The following MAP2K4 variants were observed in gnomAD, a reference collection of about 807,000 sequenced individuals.
The protein encoded by MAP2K4 is mitogen-activated protein kinase kinase 4, also known as dual specificity mitogen-activated protein kinase kinase 4.
A neutral mutation model predicts 48.5 loss-of-function variants in MAP2K4; 4 were observed. The ratio of observed to expected loss-of-function variants is 0.08; its 90% CI spans 0.04 to 0.19. The LOEUF is 0.19. MAP2K4 is among the 10% of genes least tolerant of loss of function. The pLI, the probability that MAP2K4 is intolerant of heterozygous loss-of-function variation, is 1.00. For synonymous variants in MAP2K4, 166 were observed against 173.1 expected (o/e 0.96, Z 0.32); for missense variants, 258 against 493.3 (o/e 0.52, Z 4.52).
At chr17:12,118,124 A>G (rs1972560974) in intron 7 of MAP2K4, among the ~76,000 whole-genome samples, 1 of 152,232 alleles carries the variant, frequency 6.6e-6, no homozygotes, top group Non-Finnish European at 1.5e-5. Context: ...TTATGGTGAT[A>G]AAGCATCTGC....
chr17:12,091,542 G>GA (rs1352545093), intron 3 of MAP2K4, among the ~76,000 whole-genome samples: 1 of 152,084 alleles, frequency 6.6e-6, no homozygotes, highest in East Asian at 1.9e-4. Context: ...GACAGTTTTA[G>GA]AAAAAATACG....
intron 1 of MAP2K4, chr17:12,021,305 A>C: frequency 1.0e-5 from 2 of 192,472 alleles, no homozygotes; most frequent in Non-Finnish European, 2.1e-5. Context: ...GGCCGTCCCC[A>C]TCGCCCCCGC....
At chr17:12,086,861 G>C (rs1365093552) in intron 3 of MAP2K4, among the ~76,000 whole-genome samples, 2 of 110,272 alleles carry the variant, frequency 1.8e-5, no homozygotes, top group Non-Finnish European at 4.2e-5. Flanking sequence ...GTTTTGTTTT[G>C]TTTTTGAGAC....
intron 5 of MAP2K4, 57 bp from the exon 6 acceptor site, chr17:12,110,318 T>C: frequency 3.5e-6 from 4 of 1,158,978 alleles, no homozygotes; most frequent in Non-Finnish European, 3.9e-6. Flanking sequence ...TAAACTGTTG[T>C]GCTGTTTGAA....
At chr17:12,121,637 C>G (rs2151584506) in intron 7 of MAP2K4, among the ~76,000 whole-genome samples, 1 of 148,408 alleles carries the variant, frequency 6.7e-6, no homozygotes, top group South Asian at 2.1e-4. Flanking sequence ...TTAATATATA[C>G]AGGGCTTGAT....
intron 7 of MAP2K4, among the ~76,000 whole-genome samples, chr17:12,116,546 A>G (rs1972499989): frequency 6.6e-6 from 1 of 152,180 alleles, no homozygotes; most frequent in South Asian, 2.1e-4. Context: ...ACACAAACAC[A>G]CTGTACAGCC....
intron 9 of MAP2K4, among the ~76,000 whole-genome samples, chr17:12,135,685 G>A (rs1297478772): frequency 2.4e-4 from 37 of 152,086 alleles, no homozygotes. Context: ...GAGTAGCTGG[G>A]ACTACAGGCA....
intron 9 of MAP2K4, among the ~76,000 whole-genome samples, chr17:12,131,414 AT>A (rs879274982): frequency 3.4e-4 from 50 of 145,476 alleles, no homozygotes; most frequent in Admixed American, 3.4e-4. Flanking sequence ...CACCCAGCTA[AT>A]TTTTTTTTTT....
intron 1 of MAP2K4, among the ~76,000 whole-genome samples, chr17:12,030,907 A>G (rs1969416774): frequency 6.6e-6 from 1 of 152,174 alleles, no homozygotes; most frequent in Non-Finnish European, 1.5e-5. Context: ...TGCGGGGAAG[A>G]CTTGCCTGCT....
chr17:12,128,019 C>T (rs577136669), intron 8 of MAP2K4, among the ~76,000 whole-genome samples: 2 of 152,314 alleles, frequency 1.3e-5, no homozygotes, highest in South Asian at 4.1e-4. Context: ...AAATGGGATT[C>T]ATTATGCCAT....
intron 7 of MAP2K4, chr17:12,125,043 A>C: frequency 1.4e-5 from 6 of 436,900 alleles, no homozygotes; most frequent in Non-Finnish European, 2.5e-5. Context: ...TCAGCTTTGT[A>C]AATGCTTTTG....
chr17:12,095,477 G>A lies in MAP2K4; in HGVS notation c.394-98G>A, dbSNP rs555875584. On this transcript the variant is annotated intron_variant, in intron 3 of 10. Coordinates refer to ENST00000353533, the MANE Select transcript of MAP2K4 (RefSeq NM_003010.4). ...TATTTGTGAAGTTTGGTAATTTTTAGTCTCGTAACGGTTTTTCTCTACCAT... is the reference window on the plus strand; with the variant it reads ...TATTTGTGAAGTTTGGTAATTTTTAATCTCGTAACGGTTTTTCTCTACCAT... 9.1e-5 allele frequency: 120 copies of A among 1,317,576 alleles called. 4 individuals are homozygous for A. In the South Asian group the frequency reaches 1.3e-3, roughly 14 times the overall value. 81.6% of individuals were successfully genotyped at this position (1,317,576 alleles called of 1,614,324 possible). A position where few individuals can be genotyped will look rare whatever the true frequency, so the allele number is the denominator to read the frequency against.
At chr17:12,055,091 C>G (rs1288850500) in intron 2 of MAP2K4, 100 bp downstream of exon 2, 2 of 666,544 alleles carry the variant, frequency 3.0e-6, no homozygotes, top group African/African-American at 3.7e-5. Flanking sequence ...TATAATTTCT[C>G]TGACTAAACT....
chr17:12,134,966 G>A (rs948946153), intron 9 of MAP2K4, among the ~76,000 whole-genome samples: 7 of 152,202 alleles, frequency 4.6e-5, no homozygotes, highest in African/African-American at 1.7e-4. Flanking sequence ...GCAGTGGCAT[G>A]ATTGCAGCTT....
At chr17:12,049,019 G>A (rs1279877663) in intron 1 of MAP2K4, among the ~76,000 whole-genome samples, 1 of 152,048 alleles carries the variant, frequency 6.6e-6, no homozygotes, top group Non-Finnish European at 1.5e-5. Flanking sequence ...AGTAATTTAG[G>A]GAGAAAAGAG....
chr17:12,126,696 G>C (rs959686945), intron 8 of MAP2K4, among the ~76,000 whole-genome samples: 2 of 152,126 alleles, frequency 1.3e-5, no homozygotes, highest in Admixed American at 6.5e-5. Context: ...ATATGGATTT[G>C]CTGGGGGGTG....
chr17:12,104,215 G>A (rs1267627879), intron 4 of MAP2K4, among the ~76,000 whole-genome samples: 1 of 152,104 alleles, frequency 6.6e-6, no homozygotes, highest in Admixed American at 6.5e-5. Flanking sequence ...TTGGCTCCTA[G>A]AGTTCAGCTA....
At chr17:12,030,334 T>A (rs1354242362) in intron 1 of MAP2K4, among the ~76,000 whole-genome samples, 2 of 152,230 alleles carry the variant, frequency 1.3e-5, no homozygotes, top group Admixed American at 1.3e-4. Context: ...AAGTATTTTC[T>A]TAGTGAGAAA....
At chr17:12,132,241 T>C (rs139167946) in intron 9 of MAP2K4, among the ~76,000 whole-genome samples, 27 of 152,344 alleles carry the variant, frequency 1.8e-4, no homozygotes, top group African/African-American at 6.5e-4. Context: ...GTTCTGACTA[T>C]ATACCCAACA....
Sources: allele counts gnomAD v4.1 joint callset (sites outside exome capture counted in the v4.1 genomes callset), GRCh38; gene constraint gnomAD v4.1.1; transcripts MANE v1.5; gene names NCBI Gene and HGNC (gene_info 2026-07-23, HGNC 2026-07-21).